Variants in NRIP1 observed in about 807,000 individuals in gnomAD.
NRIP1 encodes nuclear receptor interacting protein 1, also known as nuclear receptor-interacting protein 1.
Under a neutral mutation model 75.0 loss-of-function variants are expected in NRIP1, and 28 were observed. That is an observed-to-expected ratio of 0.37 (90% CI 0.28 to 0.51). The LOEUF is 0.51. Among genes scored for constraint, NRIP1 ranks in the 20% least tolerant of loss-of-function variants. The pLI, the probability that NRIP1 is intolerant of heterozygous loss-of-function variation, is 0.92. For missense variants in NRIP1, 1,435 were observed against 1,343.7 expected (o/e 1.07, Z -1.06); for synonymous variants, 526 against 487.6 (o/e 1.08, Z -1.04).
chr21:15,052,987 T>G (rs2089234635), intron 1 of NRIP1, among the ~76,000 whole-genome samples: 1 of 152,196 alleles, frequency 6.6e-6, no homozygotes, highest in East Asian at 1.9e-4. Context: ...TTCAAAAGAT[T>G]TAAAGTCAGA....
At chr21:15,003,862 G>C (rs1026405812) in intron 3 of NRIP1, among the ~76,000 whole-genome samples, 2 of 152,160 alleles carry the variant, frequency 1.3e-5, no homozygotes, top group African/African-American at 4.8e-5. Context: ...ACAAATCGAT[G>C]AATTAGGACA....
chr21:14,981,081 A>T (rs1038795684), intron 3 of NRIP1, among the ~76,000 whole-genome samples: 1 of 152,216 alleles, frequency 6.6e-6, no homozygotes, highest in Non-Finnish European at 1.5e-5. Context: ...TGAAGAGTCA[A>T]TAAATCTGAC....
intron 3 of NRIP1, among the ~76,000 whole-genome samples, chr21:15,000,076 A>C (rs893824407): frequency 2.0e-5 from 3 of 152,200 alleles, no homozygotes; most frequent in African/African-American, 7.2e-5. Flanking sequence ...GGCAATTTGA[A>C]GGGAAGAAGA....
chr21:15,024,412 G>C (rs545528903), intron 2 of NRIP1, among the ~76,000 whole-genome samples: 11 of 152,118 alleles, frequency 7.2e-5, no homozygotes, highest in African/African-American at 2.2e-4. Context: ...TGTGGTGGCA[G>C]TCACCTGTAA....
intron 1 of NRIP1, among the ~76,000 whole-genome samples, chr21:15,061,938 T>C (rs2089431921): frequency 6.6e-6 from 1 of 152,242 alleles, no homozygotes; most frequent in African/African-American, 2.4e-5. Flanking sequence ...TTCCATTAGA[T>C]TGGCATATTT....
chr21:15,013,711 G>A lies in NRIP1; in HGVS notation c.-335+633C>T, dbSNP rs772942602. The stretch of plus-strand genomic sequence containing the variant: ...AAGTAGAATTAACCACTTGCTCATC[G>A]TCTTTTTTGTTGCTCTGCCCACCTA... On this transcript the variant is annotated intron_variant, in intron 3 of 3. Coordinates refer to ENST00000318948, the MANE Select transcript of NRIP1 (RefSeq NM_003489.4). 6.6e-5 allele frequency among the ~76,000 whole-genome samples: 10 copies of A among 152,130 alleles called. 1 individual carries two copies. Among genetic ancestry groups the A allele is most frequent in the Non-Finnish European group, 1.0e-4 (7 of 68,018 alleles).
At chr21:15,001,860 T>G (rs1020869790) in intron 3 of NRIP1, among the ~76,000 whole-genome samples, 4 of 152,186 alleles carry the variant, frequency 2.6e-5, no homozygotes, top group Admixed American at 6.6e-5. Flanking sequence ...GGTTAAAATC[T>G]TACAGTACTA....
rs941946729 is a variant in NRIP1, at chr21:14,968,017, G to A, written c.176C>T (p.Pro59Leu). 1.2e-6 allele frequency: 2 copies of A among 1,613,890 alleles called. No individual in the cohort carries two copies. The highest frequency in any genetic ancestry group is 2.7e-5 in the African/African-American group (2 of 74,918). The change falls in exon 4 of 4, where the codon CCC becomes CTC. Residue 59 changes from proline to leucine, a missense_variant. Pro to Leu is a moderately conservative substitution (Grantham distance 98, BLOSUM62 -3). Coordinates refer to ENST00000318948, the MANE Select transcript of NRIP1 (RefSeq NM_003489.4). ...AACTGGACCATTACTTTGACAGGTG[G>A]GAAATGCACTGCCAGAAATGTTAAA... ...QNFNISGSAF[P>L]TCQSNGPVLN...
chr21:14,966,352 G>C lies in NRIP1; in HGVS notation c.1841C>G (p.Ala614Gly). Residue 614 changes from alanine (A) to glycine (G), a missense_variant, in exon 4 of 4, where the codon GCC (alanine) becomes GGC (glycine). Ala to Gly is a moderately conservative substitution (Grantham distance 60). Transcript: ENST00000318948. ...KSKDPPGEKP[A>G]QNEGAQNSAT... ...AGAGTTCTGTGCACCTTCATTTTGG[G>C]CTGGTTTCTCTCCTGGTGGGTCTTT... is the stretch of plus-strand genomic sequence containing the variant. 3 of 1,613,862 alleles carry C rather than the reference G, an allele frequency of 1.9e-6. No individual in the cohort carries two copies. The highest frequency in any genetic ancestry group is 1.3e-5 in the African/African-American group (1 of 74,884).
intron 3 of NRIP1, among the ~76,000 whole-genome samples, chr21:14,982,906 A>G (rs747284054): frequency 2.0e-5 from 3 of 151,914 alleles, no homozygotes; most frequent in African/African-American, 4.8e-5. Context: ...TGTTACTATT[A>G]TAATTGTTTT....
intron 3 of NRIP1, among the ~76,000 whole-genome samples, chr21:14,993,979 T>A (rs1159914591): frequency 6.6e-6 from 1 of 152,226 alleles, no homozygotes; most frequent in Non-Finnish European, 1.5e-5. Context: ...GATTCTGACA[T>A]CTACAGTTGG....
Position 14,965,967 on chromosome 21 carries a change from T to C in NRIP1, c.2226A>G (p.Ser742=). The C allele has an allele frequency of 6.2e-7, 1 of 1,613,950 alleles. No homozygotes were observed. Among genetic ancestry groups the C allele is most frequent in the Non-Finnish European group, 8.5e-7 (1 of 1,179,954 alleles). The part of the protein sequence containing the change: ...PLRDESTQEH[S]ERALSEQILM... ...GTATTTGTTCACTTAAAGCTCTCTC[T>C]GAGTGTTCCTGAGTACTTTCATCTC... is the stretch of plus-strand genomic sequence containing the variant. Residue 742 remains serine, a synonymous_variant, in exon 4 of 4, where the codon TCA becomes TCG. Coordinates refer to ENST00000318948, the MANE Select transcript of NRIP1 (RefSeq NM_003489.4).
intron 2 of NRIP1, among the ~76,000 whole-genome samples, chr21:15,039,600 TCATAGGC>T (rs1169966042): frequency 6.6e-6 from 1 of 152,106 alleles, no homozygotes; most frequent in Admixed American, 6.5e-5. Flanking sequence ...TAATGAGAAG[TCATAGGC>T]ACATCTATAT....
intron 3 of NRIP1, among the ~76,000 whole-genome samples, chr21:15,008,915 T>G (rs956430191): frequency 6.6e-5 from 10 of 152,328 alleles, no homozygotes; most frequent in East Asian, 1.9e-4. Flanking sequence ...TGCATCCTTG[T>G]GTAACTCTTG....
At chr21:15,003,524 A>C (rs1014458370) in intron 3 of NRIP1, among the ~76,000 whole-genome samples, 1 of 152,166 alleles carries the variant, frequency 6.6e-6, no homozygotes, top group African/African-American at 2.4e-5. Context: ...ATATCATGTC[A>C]TTTCTCCACC....
At chr21:14,981,749 ATCTC>A in intron 3 of NRIP1, among the ~76,000 whole-genome samples, 1 of 152,170 alleles carries the variant, frequency 6.6e-6, no homozygotes, top group East Asian at 1.9e-4. Context: ...TTTAATGAAA[ATCTC>A]TCATCATTTT....
intron 2 of NRIP1, among the ~76,000 whole-genome samples, chr21:15,034,440 C>T (rs912480002): frequency 7.2e-5 from 11 of 152,108 alleles, no homozygotes; most frequent in South Asian, 2.1e-4. Flanking sequence ...TACTATGAAA[C>T]GAAAAGCAAG....
intron 2 of NRIP1, among the ~76,000 whole-genome samples, chr21:15,015,094 T>C (rs1047004294): frequency 5.9e-5 from 9 of 152,116 alleles, no homozygotes; most frequent in Non-Finnish European, 1.2e-4. Context: ...CAAAACAGAA[T>C]ACACACAACA....
At chr21:14,978,968 A>T (rs1256768524) in intron 3 of NRIP1, among the ~76,000 whole-genome samples, 1 of 152,190 alleles carries the variant, frequency 6.6e-6, no homozygotes, top group Non-Finnish European at 1.5e-5. Context: ...AAATTGTTAA[A>T]TAAAGTTAAT....
Sources: allele counts gnomAD v4.1 joint callset (sites outside exome capture counted in the v4.1 genomes callset), GRCh38; gene constraint gnomAD v4.1.1; transcripts MANE v1.5; gene names NCBI Gene and HGNC (gene_info 2026-07-23, HGNC 2026-07-21).